Variants in SNX25 observed in about 807,000 individuals in gnomAD.
SNX25 encodes the protein sorting nexin-25.
In SNX25, 62 loss-of-function variants were observed where a neutral mutation model predicts 113.7. The ratio of observed to expected loss-of-function variants is 0.55; its 90% confidence interval spans 0.44 to 0.67. SNX25 has a LOEUF of 0.67. Among genes scored for constraint, SNX25 ranks in the 30% least tolerant of loss-of-function variants. SNX25 has a pLI of 0.00. For synonymous variants in SNX25, 421 were observed against 436.2 expected, an observed-to-expected ratio of 0.97 and a Z score of 0.43; for missense variants, 1,014 against 1,161.0, an observed-to-expected ratio of 0.87 and a Z score of 1.84.
chr4:185,228,547 A>T lies in SNX25; in HGVS notation c.429+18292A>T, dbSNP rs1741355618. On this transcript the variant is annotated intron_variant, in intron 1 of 18. Transcript: ENST00000652585. ...AGGATAATTTTTTTATTTTTATTTT[A>T]TTTTTTTTAGACAGCATCTTGCTCT... is the stretch of plus-strand genomic sequence containing the variant. 2.6e-5 allele frequency among the ~76,000 whole-genome samples: 4 copies of T among 151,698 alleles called. No individual in the cohort carries two copies. The South Asian group carries it at 8.3e-4, about 32-fold the overall frequency.
chr4:185,249,812 C>A (rs1745389381), intron 2 of SNX25, among the ~76,000 whole-genome samples: 2 of 151,882 alleles, frequency 1.3e-5, no homozygotes, highest in Admixed American at 1.3e-4. Flanking sequence ...GCAATGTTTG[C>A]TTTTCTGCTG....
downstream of SNX25, among the ~76,000 whole-genome samples, chr4:185,373,434 A>G (rs3822303): frequency 0.37 from 56,391 of 151,986 alleles, 12,742 homozygotes; most frequent in African/African-American, 0.64. Context: ...GAGGAGGGGA[A>G]ACCACTGATG....
chr4:185,338,277 TG>T (rs201145638), intron 10 of SNX25, among the ~76,000 whole-genome samples: 5,955 of 138,918 alleles, frequency 0.043, 575 homozygotes, highest in African/African-American at 0.17. Flanking sequence ...ATATTCTGTG[TG>T]TTTTTTTTTT....
At chr4:185,375,490 ATATATATATAT>A in the SNX25 span, 2 of 49,098 alleles carry the variant, frequency 4.1e-5, no homozygotes, top group Non-Finnish European at 3.2e-5. Flanking sequence ...AAAAAAAAAT[ATATATATATAT>A]ATATATATAT....
chr4:185,225,953 A>G (rs1740934845), intron 1 of SNX25, among the ~76,000 whole-genome samples: 1 of 152,224 alleles, frequency 6.6e-6, no homozygotes, highest in African/African-American at 2.4e-5. Flanking sequence ...ATTCAGATTT[A>G]AAACAACTTG....
At chr4:185,271,390 A>T (rs1253159517) in intron 5 of SNX25, among the ~76,000 whole-genome samples, 1 of 152,040 alleles carries the variant, frequency 6.6e-6, no homozygotes, top group African/African-American at 2.4e-5. Flanking sequence ...CGATCCTCCC[A>T]CCTCAGTCTC....
At chr4:185,236,740 A>C (rs1463445497) in intron 1 of SNX25, among the ~76,000 whole-genome samples, 2 of 152,268 alleles carry the variant, frequency 1.3e-5, no homozygotes, top group South Asian at 2.1e-4. Context: ...AGTTACCAAT[A>C]ATTTATTGTT....
chr4:185,320,113 A>G (rs1042669773), intron 7 of SNX25, among the ~76,000 whole-genome samples: 1 of 152,206 alleles, frequency 6.6e-6, no homozygotes, highest in African/African-American at 2.4e-5. Flanking sequence ...TGACTCAGCA[A>G]TCCCATTACT....
intron 2 of SNX25, among the ~76,000 whole-genome samples, chr4:185,251,285 G>A (rs1438552638): frequency 2.6e-5 from 4 of 152,104 alleles, no homozygotes; most frequent in African/African-American, 4.8e-5. Flanking sequence ...ATGAGCCCCC[G>A]CACCCGGCCT....
chr4:185,367,220 G>A (rs748298376), downstream of SNX25: 2 of 1,612,334 alleles, frequency 1.2e-6, no homozygotes, highest in Non-Finnish European at 1.7e-6. Context: ...AAGTTCATCT[G>A]CCAATGCGGG....
At position 185,210,270 on chromosome 4, in the gene SNX25, C is replaced by G. The variant is rs1737527011; in HGVS notation, c.429+15C>G. ...GCCCGCCGGGGGTAAGTACCCGACT[C>G]CTGGCCGCCCAGCTCCGCCGGCCCT... is the stretch of plus-strand genomic sequence containing the variant. On this transcript the variant is annotated intron_variant, in intron 1 of 18. Coordinates refer to ENST00000652585, the MANE Select transcript of SNX25 (RefSeq NM_001378034.2). This position sits in a 1 kb window ranked among gnomAD's most constrained non-coding sequence, Gnocchi z 4.4. 6.1e-6 allele frequency: 6 copies of G among 984,710 alleles called. No individual in the cohort carries two copies. Among genetic ancestry groups the G allele is most frequent in the Non-Finnish European group, 4.8e-6 (4 of 829,798 alleles). 61.0% of individuals were successfully genotyped at this position (984,710 alleles called of 1,614,324 possible).
intron 6 of SNX25, among the ~76,000 whole-genome samples, chr4:185,302,445 C>T (rs899494766): frequency 7.2e-5 from 11 of 152,164 alleles, no homozygotes; most frequent in Non-Finnish European, 1.0e-4. Context: ...AAGTGGAGAG[C>T]ACCAGAATTG....
At chr4:185,211,276 AGGCATTAGTAG>A (rs1356028450) in intron 1 of SNX25, among the ~76,000 whole-genome samples, 1 of 152,198 alleles carries the variant, frequency 6.6e-6, no homozygotes, top group African/African-American at 2.4e-5. Flanking sequence ...TAATGGCGGA[AGGCATTAGTAG>A]GTAACAGACA....
intron 1 of SNX25, among the ~76,000 whole-genome samples, chr4:185,212,766 A>G (rs759339877): frequency 6.6e-6 from 1 of 152,206 alleles, no homozygotes; most frequent in Non-Finnish European, 1.5e-5. Flanking sequence ...GTCAGCTAAC[A>G]TATGTGGAGG....
intron 1 of SNX25, among the ~76,000 whole-genome samples, chr4:185,215,255 T>G (rs1406924318): frequency 6.6e-6 from 1 of 152,078 alleles, no homozygotes; most frequent in East Asian, 1.9e-4. Context: ...GGAATAAAGC[T>G]TTCTGTAAGC....
At chr4:185,239,732 T>G (rs1040587603) in intron 1 of SNX25, among the ~76,000 whole-genome samples, 10 of 151,514 alleles carry the variant, frequency 6.6e-5, no homozygotes, top group East Asian at 3.8e-4. Context: ...TTGTGTGTGT[T>G]TTTCACTTAT....
chr4:185,363,981 G>A (rs921367065), downstream of SNX25: 1 of 153,036 alleles, frequency 6.5e-6, no homozygotes, highest in Non-Finnish European at 1.5e-5. The surrounding 1 kb of genome is among the most constrained non-coding windows in gnomAD (Gnocchi z 4.2). Flanking sequence ...AGTGCTCTAT[G>A]ATATTTAAGA....
intron 5 of SNX25, among the ~76,000 whole-genome samples, chr4:185,279,049 A>G (rs1323140638): frequency 3.3e-5 from 5 of 151,992 alleles, no homozygotes; most frequent in Non-Finnish European, 7.4e-5. Flanking sequence ...TTATTTTAGG[A>G]AGATAAAAAT....
chr4:185,224,531 A>G (rs1197763909), intron 1 of SNX25, among the ~76,000 whole-genome samples: 1 of 110,056 alleles, frequency 9.1e-6, no homozygotes, highest in Middle Eastern at 4.0e-3. Flanking sequence ...ATATATACAT[A>G]TATATAAATA....
Sources: gnomAD v4.1 joint callset for allele counts (sites outside exome capture counted in the v4.1 genomes callset) on GRCh38, gnomAD v4.1.1 for gene constraint, Gnocchi (gnomAD v3.1) non-coding constraint, MANE v1.5 for transcripts, NCBI Gene and HGNC (gene_info 2026-07-23, HGNC 2026-07-21) for gene names.